Variants in ANXA8 observed in about 807,000 individuals in gnomAD.
ANXA8 encodes annexin A8, also known as VAC-beta.
Under a neutral mutation model 26.8 loss-of-function variants are expected in ANXA8, and 9 were observed. That is an observed-to-expected ratio of 0.34 (90% CI 0.20 to 0.59). ANXA8 has a LOEUF of 0.59. Ranked by LOEUF, ANXA8 falls within the 20% of genes least tolerant of loss-of-function variation. ANXA8 has a pLI of 0.84. For missense variants in ANXA8, 83 were observed against 238.5 expected (o/e 0.35, Z 4.29); for synonymous variants, 39 against 94.8 (o/e 0.41, Z 3.42).
At chr10:47,636,699 G>T in the ANXA8 span, among the ~76,000 whole-genome samples, 5 of 151,996 alleles carry the variant, frequency 3.3e-5, no homozygotes, top group Non-Finnish European at 7.4e-5. Context: ...AGGGTACGAA[G>T]GACCTTCAAC....
At chr10:47,688,705 A>G in the ANXA8 span, among the ~76,000 whole-genome samples, 1 of 151,500 alleles carries the variant, frequency 6.6e-6, no homozygotes, top group East Asian at 2.0e-4. Context: ...ACAGGCGTGA[A>G]CCACTGTGCT....
At chr10:47,705,163 G>C in the ANXA8 span, among the ~76,000 whole-genome samples, 1 of 151,258 alleles carries the variant, frequency 6.6e-6, no homozygotes, top group Non-Finnish European at 1.5e-5. Context: ...AAGAAAAGCA[G>C]GGAAGAATAA....
chr10:47,572,732 T>TA, the ANXA8 span, among the ~76,000 whole-genome samples: 10 of 129,128 alleles, frequency 7.7e-5, no homozygotes, highest in Admixed American at 2.3e-4. Context: ...ATATAAAAAT[T>TA]AAAAAAAAAA....
the ANXA8 span, among the ~76,000 whole-genome samples, chr10:47,640,982 C>T: frequency 7.5e-6 from 1 of 133,140 alleles, no homozygotes; most frequent in Non-Finnish European, 1.5e-5. Flanking sequence ...CTGAGCTCTG[C>T]ATGCACACGT....
At chr10:47,743,115 G>A in the ANXA8 span, among the ~76,000 whole-genome samples, 1 of 137,858 alleles carries the variant, frequency 7.3e-6, no homozygotes, top group Non-Finnish European at 1.5e-5. Context: ...AGCTTGTAGT[G>A]AGCCAAGATC....
the ANXA8 span, among the ~76,000 whole-genome samples, chr10:47,729,337 T>C: frequency 7.2e-6 from 1 of 139,124 alleles, no homozygotes; most frequent in African/African-American, 2.5e-5. Context: ...AAATATGTCA[T>C]TGGTCCTCCA....
the ANXA8 span, among the ~76,000 whole-genome samples, chr10:47,533,223 A>ACACACACACC: frequency 7.2e-6 from 1 of 139,086 alleles, no homozygotes; most frequent in Admixed American, 7.1e-5. Context: ...ACACACACAC[A>ACACACACACC]CCCCCGCAGA....
At chr10:47,560,998 G>A in the ANXA8 span, among the ~76,000 whole-genome samples, 2,960 of 151,046 alleles carry the variant, frequency 0.02, 34 homozygotes, top group Non-Finnish European at 0.03. Context: ...AGATACAAAG[G>A]ATTCATCTTA....
the ANXA8 span, among the ~76,000 whole-genome samples, chr10:47,772,426 C>T: frequency 6.6e-6 from 1 of 152,272 alleles, no homozygotes; most frequent in Non-Finnish European, 1.5e-5. Context: ...CACTGACCCT[C>T]CATACCTTGT....
chr10:47,654,350 C>T, the ANXA8 span, among the ~76,000 whole-genome samples: 15 of 145,044 alleles, frequency 1.0e-4, no homozygotes, highest in South Asian at 2.1e-4. Context: ...ATAAAAATTT[C>T]GTCAACATCA....
chr10:47,744,411 TG>T, the ANXA8 span, among the ~76,000 whole-genome samples: 855 of 7,208 alleles, frequency 0.12, 125 homozygotes, highest in Non-Finnish European at 0.16. Flanking sequence ...AGGCTCCTGG[TG>T]GGGGGGGGGT....
chr10:47,700,941 G>A, the ANXA8 span, among the ~76,000 whole-genome samples: 1 of 151,176 alleles, frequency 6.6e-6, no homozygotes, highest in African/African-American at 2.4e-5. Context: ...AATTAGCCAG[G>A]TGTGGTGGTG....
the ANXA8 span, among the ~76,000 whole-genome samples, chr10:47,709,561 G>T: frequency 6.7e-6 from 1 of 148,368 alleles, no homozygotes. Flanking sequence ...AGTAACTGAA[G>T]AATTAAATAA....
the ANXA8 span, among the ~76,000 whole-genome samples, chr10:47,515,998 T>C: frequency 7.5e-6 from 1 of 132,604 alleles, no homozygotes. Flanking sequence ...GAGCAAAACT[T>C]TAAAAAAAAA....
chr10:47,770,079 AACTC>A, the ANXA8 span, among the ~76,000 whole-genome samples: 4 of 149,184 alleles, frequency 2.7e-5, no homozygotes, highest in Non-Finnish European at 5.9e-5. Context: ...TCAGAGCAAT[AACTC>A]ACTCATTACT....
At chr10:47,659,322 A>G in the ANXA8 span, among the ~76,000 whole-genome samples, 2 of 151,822 alleles carry the variant, frequency 1.3e-5, no homozygotes, top group African/African-American at 4.9e-5. Flanking sequence ...TAAAAGCTGT[A>G]TTCAAGAGAG....
chr10:47,981,024 T>G, the ANXA8 span, among the ~76,000 whole-genome samples: 9 of 151,378 alleles, frequency 5.9e-5, no homozygotes, highest in African/African-American at 2.2e-4. Flanking sequence ...CAGCAATATC[T>G]TTCATGAATA....
chr10:47,673,165 A>C, the ANXA8 span, among the ~76,000 whole-genome samples: 1 of 151,390 alleles, frequency 6.6e-6, no homozygotes, highest in East Asian at 1.9e-4. Context: ...ATGCACCCAC[A>C]CTCCAGCTCC....
At chr10:47,771,608 G>A in the ANXA8 span, among the ~76,000 whole-genome samples, 21 of 151,380 alleles carry the variant, frequency 1.4e-4, no homozygotes, top group East Asian at 7.8e-4. Context: ...ATGGAGTTTC[G>A]CTCTTGTTGC....
Sources: allele counts gnomAD v4.1 joint callset (sites outside exome capture counted in the v4.1 genomes callset), GRCh38; gene constraint gnomAD v4.1.1; transcripts MANE v1.5; gene names NCBI Gene and HGNC (gene_info 2026-07-23, HGNC 2026-07-21).